P2RY8: variants seen among roughly 807,000 people sequenced by gnomAD.
The protein encoded by P2RY8 is S-geranylgeranyl-glutathione receptor P2RY8.
Under a neutral mutation model 10.0 loss-of-function variants are expected in P2RY8, and 6 were observed. That is an observed-to-expected ratio of 0.60 (90% CI 0.33 to 1.19). P2RY8 has a LOEUF of 1.19. P2RY8 is among the 50% of genes most tolerant of loss of function. The pLI is 0.04. For missense variants in P2RY8, 456 were observed against 542.0 expected (o/e 0.84, Z 1.58); for synonymous variants, 276 against 252.5 (o/e 1.09, Z -0.88).
chrX:1,490,761 CCA>C (rs2092038505), intron 1 of P2RY8, among the ~76,000 whole-genome samples: 1 of 147,916 alleles, frequency 6.8e-6, no homozygotes, highest in Admixed American at 6.7e-5. Context: ...GAATGATACC[CCA>C]GATTCACTTC....
chrX:1,495,707 A>G (rs1250761519), intron 1 of P2RY8, among the ~76,000 whole-genome samples: 1 of 123,600 alleles, frequency 8.1e-6, no homozygotes, highest in Non-Finnish European at 1.8e-5. Flanking sequence ...CTGTGAGGAC[A>G]CAGGGAGAAG....
In P2RY8 at chrX:1,515,335, C is replaced by A. The variant is rs764703445; in HGVS notation, c.-25+21586G>T. On this transcript the variant is annotated intron_variant, in intron 1 of 1. Coordinates refer to ENST00000381297, the MANE Select transcript of P2RY8 (RefSeq NM_178129.5). ...ATTGGGTTTAGAACGTTAAGTTGTG[C>A]AAACACCTCCGCAGTCTATTTTAGG... Among the ~76,000 whole-genome samples the A allele has an allele frequency of 2.4e-4, 36 of 151,836 alleles. No individual in the cohort carries two copies. The East Asian group carries it at 6.6e-3, about 28-fold the overall frequency.
chrX:1,508,112 G>A (rs1368169570), intron 1 of P2RY8, among the ~76,000 whole-genome samples: 1 of 152,190 alleles, frequency 6.6e-6, no homozygotes, highest in African/African-American at 2.4e-5. Flanking sequence ...CCTAGGGCAG[G>A]TCACATAAGA....
chrX:1,519,151 C>T lies in P2RY8; in HGVS notation c.-25+17770G>A, dbSNP rs747920635. Among the ~76,000 whole-genome samples the T allele has an allele frequency of 2.6e-3, 393 of 151,890 alleles. 2 individuals carry two copies. The highest frequency in any genetic ancestry group is 9.1e-3 in the African/African-American group (378 of 41,384). ...CTTGGTCCCTAATAATCTCTCTGGT[C>T]CCCAATCACCTCCCTGATCCCCAGT... is the stretch of plus-strand genomic sequence containing the variant. On this transcript the variant is annotated intron_variant, in intron 1 of 1. Transcript: ENST00000381297.
intron 1 of P2RY8, among the ~76,000 whole-genome samples, chrX:1,479,390 T>A (rs1164236846): frequency 2.6e-5 from 4 of 152,254 alleles, no homozygotes. Flanking sequence ...TCTGTAAGTA[T>A]TTTTATGCAT....
chrX:1,504,504 C>T (rs2092211871), intron 1 of P2RY8, among the ~76,000 whole-genome samples: 1 of 152,038 alleles, frequency 6.6e-6, no homozygotes, highest in South Asian at 2.1e-4. Context: ...CTTCCTGCTA[C>T]CATAAGGATC....
intron 1 of P2RY8, among the ~76,000 whole-genome samples, chrX:1,530,163 TCTATCTATCTATC>T (rs1569538871): frequency 4.6e-3 from 25 of 5,424 alleles, no homozygotes; most frequent in African/African-American, 5.2e-3. Flanking sequence ...GTATGATCTA[TCTATCTATCTATC>T]TATCTATCTA....
intron 1 of P2RY8, among the ~76,000 whole-genome samples, chrX:1,519,251 T>A (rs2149408385): frequency 6.6e-6 from 1 of 151,926 alleles, no homozygotes; most frequent in African/African-American, 2.4e-5. Flanking sequence ...TTGTCCCCAA[T>A]AATCTCTCTG....
At chrX:1,466,693 T>C in intron 1 of P2RY8, 111 bp from the exon 2 acceptor site, 2 of 1,036,070 alleles carry the variant, frequency 1.9e-6, no homozygotes, top group Admixed American at 2.7e-5. Context: ...GGAGATGCTT[T>C]AGCAGGGCCT....
intron 1 of P2RY8, among the ~76,000 whole-genome samples, chrX:1,501,294 G>A (rs1180227370): frequency 6.6e-6 from 1 of 152,158 alleles, no homozygotes; most frequent in Non-Finnish European, 1.5e-5. Context: ...TCCCTGTGAC[G>A]GTGCTTTGCA....
chrX:1,466,262 C>T lies in P2RY8; in HGVS notation c.297G>A (p.Val99=), dbSNP rs2149370276. Residue 99 remains valine, a synonymous_variant, in exon 2 of 2, where the codon GTG becomes GTA. Coordinates refer to ENST00000381297, the MANE Select transcript of P2RY8 (RefSeq NM_178129.5). The part of the protein sequence containing the change: ...WVFGVLLCNV[V]TVAFYANMYS... ...ACATGTTTGCGTAAAAGGCCACGGT[C>T]ACCACGTTGCAAAGCAGCACCCCGA... 1.2e-6 allele frequency: 2 copies of T among 1,613,866 alleles called. No individual in the cohort carries two copies. Among genetic ancestry groups the T allele is most frequent in the Non-Finnish European group, 8.5e-7 (1 of 1,179,862 alleles).
chrX:1,522,011 G>C (rs2092396399), intron 1 of P2RY8, among the ~76,000 whole-genome samples: 1 of 122,798 alleles, frequency 8.1e-6, no homozygotes, highest in South Asian at 2.8e-4. Flanking sequence ...GGAGTGCAAT[G>C]GTGCGATCTC....
intron 1 of P2RY8, among the ~76,000 whole-genome samples, chrX:1,476,512 C>A (rs5949205): frequency 1.3e-5 from 2 of 151,636 alleles, no homozygotes; most frequent in Non-Finnish European, 2.9e-5. Context: ...GCATGAACCC[C>A]GGAGGCAGAG....
Position 1,465,774 on chromosome X carries a change from A to C in P2RY8, c.785T>G (p.Val262Gly). 1 of 1,613,558 alleles carries C rather than the reference A, an allele frequency of 6.2e-7. No homozygotes were observed. The highest frequency in any genetic ancestry group is 8.5e-7 in the Non-Finnish European group (1 of 1,179,836). Residue 262 changes from valine (V) to glycine (G), a missense_variant, in exon 2 of 2, where the codon GTG becomes GGG. By Grantham distance (109) the Val-to-Gly change is moderately radical. Transcript: ENST00000381297. ...PNNFVLLAHI[V>G]SRLFYGKSYY... ...GCTCTTGCCGTAGAACAGGCGGCTCACGATGTGCGCCAGGAGCACGAAGTT... is the reference window on the plus strand; with the variant it reads ...GCTCTTGCCGTAGAACAGGCGGCTCCCGATGTGCGCCAGGAGCACGAAGTT...
rs1478211286 is a variant in P2RY8 at position 1,465,848 on chromosome X, G to T, written c.711C>A (p.Gly237=). 3.1e-6 allele frequency: 5 copies of T among 1,612,642 alleles called. 1 individual carries two copies. The South Asian group carries it at 4.4e-5, about 14-fold the overall frequency. The change falls in exon 2 of 2, where the codon GGC becomes GGA. Residue 237 remains glycine (G), a synonymous_variant. Coordinates refer to ENST00000381297, the MANE Select transcript of P2RY8 (RefSeq NM_178129.5). ...AGGCCAGCAAGACCACCGCGGCCAG[G>T]CCCACCGCGCGCCTCCGCTGCTCCC... The part of the protein sequence containing the change: ...HGREQRRRAV[G]LAAVVLLAFV...
intron 1 of P2RY8, among the ~76,000 whole-genome samples, chrX:1,479,049 C>A (rs2091907988): frequency 6.6e-6 from 1 of 152,216 alleles, no homozygotes; most frequent in Non-Finnish European, 1.5e-5. Flanking sequence ...ATTGAGTTTT[C>A]AACTTTGGTT....
intron 1 of P2RY8, among the ~76,000 whole-genome samples, chrX:1,479,832 C>T (rs749090404): frequency 2.6e-4 from 40 of 152,196 alleles, no homozygotes; most frequent in African/African-American, 7.5e-4. Context: ...ATCCCATGGA[C>T]ATTAAAAAGA....
Position 1,465,346 on chromosome X carries a change from C to T in P2RY8, c.*133G>A. 1 of 1,425,448 alleles carries T rather than the reference C, an allele frequency of 7.0e-7. No homozygotes were observed. The highest frequency in any genetic ancestry group is 9.3e-7 in the Non-Finnish European group (1 of 1,072,186). The allele number at this position is 1,425,448 out of a possible 1,614,324, so 88.3% of individuals were successfully genotyped here. ...CTGGGAGGAATAAAGCCTGGAGACCCTTCCCCACCGGGCCTCTGCAGTGCC... is the reference window on the plus strand; with the variant it reads ...CTGGGAGGAATAAAGCCTGGAGACCTTTCCCCACCGGGCCTCTGCAGTGCC... On this transcript the variant is annotated 3_prime_UTR_variant, in exon 2 of 2. Transcript: ENST00000381297.
intron 1 of P2RY8, among the ~76,000 whole-genome samples, chrX:1,506,120 G>C (rs1399106741): frequency 6.6e-6 from 1 of 151,060 alleles, no homozygotes. Context: ...AGCCTCCCTA[G>C]TAGCTGGGAT....
Sources: gnomAD v4.1 joint callset for allele counts (sites outside exome capture counted in the v4.1 genomes callset) on GRCh38, gnomAD v4.1.1 for gene constraint, MANE v1.5 for transcripts, NCBI Gene and HGNC (gene_info 2026-07-23, HGNC 2026-07-21) for gene names.